RANBP17: variants seen among roughly 807,000 people sequenced by gnomAD.
The protein encoded by RANBP17 is RAN binding protein 17, also known as ran-binding protein 17.
A neutral mutation model predicts 141.2 loss-of-function variants in RANBP17; 158 were observed. The observed-to-expected ratio is 1.12, with a 90% confidence interval of 0.98 to 1.28. The LOEUF is 1.28. RANBP17 is among the 50% of genes most tolerant of loss of function. RANBP17 has a pLI of 0.00. For missense variants in RANBP17, 1,438 were observed against 1,290.7 expected (o/e 1.11, Z -1.75); for synonymous variants, 430 against 450.0 (o/e 0.96, Z 0.56).
chr5:171,248,112 A>G (rs1052384686), intron 24 of RANBP17, among the ~76,000 whole-genome samples: 1 of 152,202 alleles, frequency 6.6e-6, no homozygotes, highest in African/African-American at 2.4e-5. Flanking sequence ...AACGCCTGTA[A>G]TCTCAGCACT....
chr5:171,196,696 T>G (rs1762001092), intron 18 of RANBP17, among the ~76,000 whole-genome samples: 1 of 152,216 alleles, frequency 6.6e-6, no homozygotes, highest in Non-Finnish European at 1.5e-5. Context: ...ATGGCTAACT[T>G]TATGAAGTAA....
intron 12 of RANBP17, among the ~76,000 whole-genome samples, chr5:170,934,057 T>C (rs1300800023): frequency 6.6e-6 from 1 of 152,106 alleles, no homozygotes; most frequent in Non-Finnish European, 1.5e-5. Flanking sequence ...CTAAGTCTCT[T>C]TTTAGGTCTC....
chr5:170,954,828 A>T (rs1190999881), intron 13 of RANBP17, among the ~76,000 whole-genome samples: 3 of 152,090 alleles, frequency 2.0e-5, no homozygotes, highest in South Asian at 4.1e-4. Context: ...TCAATACCAC[A>T]CGGTGTTCTG....
intron 12 of RANBP17, among the ~76,000 whole-genome samples, chr5:170,933,005 C>T (rs996720812): frequency 6.6e-6 from 1 of 152,124 alleles, no homozygotes; most frequent in Non-Finnish European, 1.5e-5. Flanking sequence ...CCTCTTTGTA[C>T]CTCTGGTAGA....
Position 170,909,647 on chromosome 5 carries a change from CT to C in RANBP17, c.490-11del. 2 of 958,776 alleles carry C rather than the reference CT, an allele frequency of 2.1e-6. No homozygotes were observed. The highest frequency in any genetic ancestry group is 2.8e-6 in the Non-Finnish European group (2 of 704,748). 59.4% of individuals were successfully genotyped at this position (958,776 alleles called of 1,614,324 possible). ...ATAGGTCTGGTTAAACTAATTTCAT[CT>C]TTATCTTTTTAGGTTGATTATTCTA... On this transcript the variant is annotated splice_polypyrimidine_tract_variant and intron_variant, in intron 5 of 27. Transcript: ENST00000523189.
intron 11 of RANBP17, among the ~76,000 whole-genome samples, chr5:170,923,219 A>G (rs1772620862): frequency 6.6e-6 from 1 of 152,144 alleles, no homozygotes; most frequent in South Asian, 2.1e-4. Flanking sequence ...TCTTTTTGGC[A>G]TATAGATGAC....
At position 170,961,059 on chromosome 5, in the gene RANBP17, G is replaced by A. The variant is rs1410756769; in HGVS notation, c.1575-7183G>A. 2.6e-5 allele frequency among the ~76,000 whole-genome samples: 4 copies of A among 151,708 alleles called. No homozygotes were observed. The East Asian group carries it at 7.8e-4, about 30-fold the overall frequency. On this transcript the variant is annotated intron_variant, in intron 13 of 27. Coordinates refer to ENST00000523189, the MANE Select transcript of RANBP17 (RefSeq NM_022897.5). Reference sequence around the variant, plus strand: ...CTGCACCCGGCCCCCTGCCCCTTTAGATGGCTACACATGCTTTCCTTTTTG... The same window carrying A: ...CTGCACCCGGCCCCCTGCCCCTTTAAATGGCTACACATGCTTTCCTTTTTG...
At chr5:170,898,963 A>G (rs1158568030) in intron 5 of RANBP17, among the ~76,000 whole-genome samples, 1 of 152,160 alleles carries the variant, frequency 6.6e-6, no homozygotes, top group Non-Finnish European at 1.5e-5. Flanking sequence ...TGATGCCTCC[A>G]GCTTTGTTCT....
chr5:171,089,976 T>C (rs894916617), intron 14 of RANBP17, among the ~76,000 whole-genome samples: 4 of 152,166 alleles, frequency 2.6e-5, no homozygotes, highest in African/African-American at 9.7e-5. Context: ...GCCATCTTCG[T>C]GGTTATGTCT....
intron 14 of RANBP17, among the ~76,000 whole-genome samples, chr5:170,982,210 A>G (rs1777820300): frequency 6.6e-6 from 1 of 151,784 alleles, no homozygotes; most frequent in South Asian, 2.1e-4. Flanking sequence ...TTCAAGAGAG[A>G]GACCTACAGA....
In RANBP17 at chr5:170,903,838, T is replaced by C. The variant is rs545659094; in HGVS notation, c.490-5823T>C. The C allele has an allele frequency of 7.6e-4, 333 of 439,290 alleles. 4 individuals carry two copies. The highest frequency in any genetic ancestry group is 6.6e-3 in the South Asian group (328 of 49,500). 27.2% of individuals were successfully genotyped at this position (439,290 alleles called of 1,614,324 possible). On this transcript the variant is annotated intron_variant, in intron 5 of 27. Transcript: ENST00000523189. ...GTCAACAACATTGTGGCAAATTTGC[T>C]CAACCTAACAAGCTCCGCAAGATTT...
intron 14 of RANBP17, among the ~76,000 whole-genome samples, chr5:170,973,496 A>G (rs1284419513): frequency 1.3e-5 from 2 of 152,236 alleles, no homozygotes; most frequent in Admixed American, 6.5e-5. Flanking sequence ...AAAACACAAT[A>G]GACAAAGTAA....
intron 24 of RANBP17, chr5:171,252,927 A>G: frequency 1.4e-6 from 2 of 1,469,124 alleles, no homozygotes; most frequent in South Asian, 1.1e-5. Context: ...ACGGGCTGAC[A>G]TCAGATATCT....
intron 1 of RANBP17, among the ~76,000 whole-genome samples, chr5:170,865,882 G>C (rs929173831): frequency 2.6e-5 from 4 of 152,180 alleles, no homozygotes; most frequent in Non-Finnish European, 5.9e-5. Context: ...GTGACACAGG[G>C]CAACATCTGT....
chr5:171,083,370 CA>C (rs1785384196), intron 14 of RANBP17, among the ~76,000 whole-genome samples: 1 of 152,130 alleles, frequency 6.6e-6, no homozygotes, highest in Non-Finnish European at 1.5e-5. Context: ...TGGTAGTCTG[CA>C]ACCCAGAAGA....
intron 25 of RANBP17, among the ~76,000 whole-genome samples, chr5:171,292,577 A>G (rs1434466854): frequency 2.6e-5 from 4 of 152,174 alleles, no homozygotes; most frequent in Non-Finnish European, 4.4e-5. Flanking sequence ...CCAGTAAGGG[A>G]TGGTGTGTGC....
At chr5:171,298,177 A>G (rs1454689848) in intron 27 of RANBP17, among the ~76,000 whole-genome samples, 1 of 152,140 alleles carries the variant, frequency 6.6e-6, no homozygotes, top group Non-Finnish European at 1.5e-5. Context: ...ACTTTCTGCA[A>G]TCCCTTGAGG....
intron 14 of RANBP17, among the ~76,000 whole-genome samples, chr5:171,088,892 T>G (rs1217785694): frequency 6.6e-6 from 1 of 152,100 alleles, no homozygotes; most frequent in African/African-American, 2.4e-5. Context: ...TTTCAACTTC[T>G]TTGCCTTTGG....
chr5:170,905,215 C>G (rs1470155138), intron 5 of RANBP17, among the ~76,000 whole-genome samples: 3 of 152,080 alleles, frequency 2.0e-5, no homozygotes, highest in African/African-American at 7.2e-5. Context: ...ATCACCTGTT[C>G]CGTTTGCACA....
Sources: allele counts gnomAD v4.1 joint callset (sites outside exome capture counted in the v4.1 genomes callset), GRCh38; gene constraint gnomAD v4.1.1; transcripts MANE v1.5; gene names NCBI Gene and HGNC (gene_info 2026-07-23, HGNC 2026-07-21).